The following CEP85L variants were observed in gnomAD, a reference collection of about 807,000 sequenced individuals.
CEP85L encodes centrosomal protein 85L.
Under a neutral mutation model 100.3 loss-of-function variants are expected in CEP85L, and 60 were observed. The ratio of observed to expected loss-of-function variants is 0.60; its 90% CI spans 0.49 to 0.74. The LOEUF is 0.74. Ranked by LOEUF, CEP85L falls within the 30% of genes least tolerant of loss-of-function variation. The pLI is 0.00. For missense variants in CEP85L, 973 were observed against 936.2 expected (o/e 1.04, Z -0.51); for synonymous variants, 319 against 322.7 (o/e 0.99, Z 0.12).
At chr6:118,658,224 T>C (rs549711330) in intron 1 of CEP85L, among the ~76,000 whole-genome samples, 11 of 152,272 alleles carry the variant, frequency 7.2e-5, no homozygotes, top group African/African-American at 2.4e-4. Context: ...TCTTTATGGC[T>C]TTTTTTCTGG....
At chr6:118,549,326 C>G (rs1778397102) in intron 3 of CEP85L, among the ~76,000 whole-genome samples, 1 of 151,852 alleles carries the variant, frequency 6.6e-6, no homozygotes, top group Non-Finnish European at 1.5e-5. Flanking sequence ...GGAGATGCCA[C>G]AATCAATTTT....
At chr6:118,480,255 A>G in intron 9 of CEP85L, 141 bp downstream of exon 9, 1 of 508,414 alleles carries the variant, frequency 2.0e-6, no homozygotes, top group Non-Finnish European at 3.4e-6. Context: ...CTTTCAAATA[A>G]AAACATTCAA....
intron 3 of CEP85L, among the ~76,000 whole-genome samples, chr6:118,547,356 A>G (rs1778267888): frequency 6.6e-6 from 1 of 152,160 alleles, no homozygotes; most frequent in Admixed American, 6.5e-5. Context: ...AGTAATTTTC[A>G]GGAAAGCAAC....
intron 10 of CEP85L, among the ~76,000 whole-genome samples, chr6:118,475,347 A>ATTTT (rs34878583): frequency 1.3e-5 from 1 of 79,038 alleles, no homozygotes; most frequent in Non-Finnish European, 2.8e-5. Context: ...TGTAGGTGAC[A>ATTTT]TTTTTTTTTT....
chr6:118,501,312 G>A (rs1775286592), intron 5 of CEP85L: 2 of 365,070 alleles, frequency 5.5e-6, no homozygotes, highest in African/African-American at 2.1e-5. Context: ...GCGAGGTGGA[G>A]GACAGGAGCA....
Position 118,674,795 on chromosome 6 carries a change from T to C in CEP85L, c.-27-21987A>G, listed in dbSNP as rs575110289. On this transcript the variant is annotated intron_variant, in intron 1 of 13. Coordinates refer to the CEP85L transcript ENST00000368488. ...ACATCCTGTAGAAAGGCTATCATTT[T>C]TAAAAAAGACATAAAAGGCATTGAC... Among the ~76,000 whole-genome samples, 134 of 152,334 alleles carry C rather than the reference T, an allele frequency of 8.8e-4. 1 individual carries two copies. Among genetic ancestry groups the C allele is most frequent in the Admixed American group, 4.6e-3 (70 of 15,298 alleles).
intron 1 of CEP85L, among the ~76,000 whole-genome samples, chr6:118,661,857 G>T (rs1318618709): frequency 6.6e-6 from 1 of 152,212 alleles, no homozygotes; most frequent in African/African-American, 2.4e-5. Flanking sequence ...TAGCACTAAA[G>T]CCACCTCATA....
intron 2 of CEP85L, among the ~76,000 whole-genome samples, chr6:118,590,417 C>T (rs146990756): frequency 1.3e-5 from 2 of 152,190 alleles, no homozygotes; most frequent in Non-Finnish European, 2.9e-5. Flanking sequence ...CCTGCCTCAA[C>T]TTCTTGTCAC....
chr6:118,623,658 T>C (rs998285130), intron 2 of CEP85L, among the ~76,000 whole-genome samples: 14 of 152,160 alleles, frequency 9.2e-5, no homozygotes, highest in Non-Finnish European at 2.1e-4. Flanking sequence ...GAAATTCCCC[T>C]GGAAATTTGA....
chr6:118,486,923 G>C (rs937197752), intron 6 of CEP85L, among the ~76,000 whole-genome samples: 5 of 151,938 alleles, frequency 3.3e-5, no homozygotes, highest in Non-Finnish European at 4.4e-5. Context: ...TTACCTGAAA[G>C]AATTCATTCA....
chr6:118,649,298 A>T (rs1775395916), intron 1 of CEP85L, among the ~76,000 whole-genome samples: 1 of 152,244 alleles, frequency 6.6e-6, no homozygotes, highest in Non-Finnish European at 1.5e-5. Context: ...GATAAAATAC[A>T]TACTTTGGTA....
At chr6:118,519,430 CTCTGTGTGTGTG>C (rs1776484539) in intron 4 of CEP85L, among the ~76,000 whole-genome samples, 1 of 91,144 alleles carries the variant, frequency 1.1e-5, no homozygotes, top group African/African-American at 4.8e-5. Flanking sequence ...CAGAGCAAAA[CTCTGTGTGTGTG>C]TGTGTGTGTG....
chr6:118,510,207 T>C (rs1035231335), intron 5 of CEP85L, among the ~76,000 whole-genome samples: 16 of 152,024 alleles, frequency 1.1e-4, no homozygotes, highest in African/African-American at 3.9e-4. Flanking sequence ...AAAGGTGAGA[T>C]TCATTTATAA....
chr6:118,600,801 T>TAAAA (rs35378654), intron 2 of CEP85L, among the ~76,000 whole-genome samples: 13 of 147,004 alleles, frequency 8.8e-5, no homozygotes, highest in African/African-American at 3.0e-4. Context: ...TTGTCTTTTT[T>TAAAA]AAAAAAAAAA....
intron 2 of CEP85L, among the ~76,000 whole-genome samples, chr6:118,590,644 T>C (rs923827603): frequency 1.8e-4 from 28 of 151,872 alleles, no homozygotes; most frequent in African/African-American, 6.8e-4. Context: ...ACACTCGGAG[T>C]TCCCCCTCTC....
At chr6:118,621,522 C>T (rs1459264568) in intron 2 of CEP85L, among the ~76,000 whole-genome samples, 5 of 152,114 alleles carry the variant, frequency 3.3e-5, no homozygotes, top group African/African-American at 1.2e-4. Context: ...AAGACCTAGG[C>T]CAATTCTCAA....
chr6:118,680,888 A>G (rs989061187), intron 1 of CEP85L, among the ~76,000 whole-genome samples: 4 of 148,770 alleles, frequency 2.7e-5, no homozygotes, highest in African/African-American at 1.0e-4. Flanking sequence ...AAAAAAAAAG[A>G]CACTCTGAGA....
intron 1 of CEP85L, among the ~76,000 whole-genome samples, chr6:118,709,702 A>G (rs1777724369): frequency 6.6e-6 from 1 of 152,140 alleles, no homozygotes. Context: ...GTAAATGCAG[A>G]GTAACAGTCA....
chr6:118,512,015 G>A (rs565482902), intron 4 of CEP85L, among the ~76,000 whole-genome samples: 2 of 151,682 alleles, frequency 1.3e-5, no homozygotes, highest in South Asian at 4.2e-4. Flanking sequence ...TAGCAGGCAG[G>A]GACTAGTTTT....
Sources: gnomAD v4.1 joint callset for allele counts (sites outside exome capture counted in the v4.1 genomes callset) on GRCh38, gnomAD v4.1.1 for gene constraint, MANE v1.5 for transcripts, NCBI Gene and HGNC (gene_info 2026-07-23, HGNC 2026-07-21) for gene names.